Variants in CFHR5 observed in about 807,000 individuals in gnomAD.
CFHR5 encodes the protein complement factor H related 5.
A neutral mutation model predicts 62.9 loss-of-function variants in CFHR5; 73 were observed. The ratio of observed to expected loss-of-function variants is 1.16; its 90% confidence interval spans 0.96 to 1.41. The LOEUF (loss-of-function observed/expected upper bound fraction) is 1.41, where lower values mean the gene tolerates loss of function less well. Among genes scored for constraint, CFHR5 ranks in the 40% most tolerant of loss-of-function variants. The probability of loss-of-function intolerance (pLI) is 0.00; values close to 1 mark genes in which losing one functional copy is unlikely to be tolerated. For missense variants in CFHR5, 779 were observed against 679.9 expected (o/e 1.15, Z -1.62); for synonymous variants, 249 against 227.2 (o/e 1.10, Z -0.86).
At chr1:197,003,187 A>G (rs2125039081) in intron 8 of CFHR5, among the ~76,000 whole-genome samples, 1 of 152,312 alleles carries the variant, frequency 6.6e-6, no homozygotes, top group African/African-American at 2.4e-5. Context: ...TTGCATGTGC[A>G]GTTCACAATA....
chr1:196,995,683 C>A (rs141066019), intron 4 of CFHR5, 34 bp from the exon 5 acceptor site: 4 of 1,566,020 alleles, frequency 2.6e-6, no homozygotes, highest in East Asian at 4.5e-5. Context: ...CTTATAAGAC[C>A]ATTTAAGCAT....
Position 196,982,976 on chromosome 1 carries a change from T to G in CFHR5, c.150T>G (p.Val50=). 5.6e-6 allele frequency: 9 copies of G among 1,614,110 alleles called. No homozygotes were observed. The highest frequency in any genetic ancestry group is 6.8e-6 in the Non-Finnish European group (8 of 1,180,016). The part of the protein sequence containing the change: ...NPFSQVPTGE[V]FYYSCEYNFV... ...TTTCCCAAGTTCCTACAGGGGAAGT[T>G]TTCTATTACTCCTGTGAATATAATT... The change falls in exon 2 of 10, where the codon GTT becomes GTG. Residue 50 remains valine (V), a synonymous_variant. Transcript: ENST00000256785.
chr1:196,999,738 T>TAC (rs1654091443), intron 7 of CFHR5, among the ~76,000 whole-genome samples: 1 of 78,416 alleles, frequency 1.3e-5, no homozygotes, highest in African/African-American at 3.9e-5. Flanking sequence ...CACACACATA[T>TAC]ATATACACAC....
At chr1:196,996,315 C>A in intron 6 of CFHR5, 114 bp downstream of exon 6, 1 of 814,610 alleles carries the variant, frequency 1.2e-6, no homozygotes, top group Non-Finnish European at 2.1e-6. Context: ...CTCTTCCTTC[C>A]ACAAGTAAAA....
chr1:197,002,793 G>T (rs769409502), intron 8 of CFHR5, 129 bp downstream of exon 8: 5 of 736,438 alleles, frequency 6.8e-6, no homozygotes, highest in Non-Finnish European at 9.1e-6. Context: ...AAATTGCTAA[G>T]TAACCAATTC....
intron 3 of CFHR5, among the ~76,000 whole-genome samples, chr1:196,988,506 T>G (rs1653756876): frequency 1.3e-5 from 2 of 152,264 alleles, no homozygotes; most frequent in South Asian, 4.1e-4. Context: ...GGCTGTGGGT[T>G]TGTCATGAGT....
chr1:196,982,808 G>A, intron 1 of CFHR5, 77 bp from the exon 2 acceptor site: 1 of 1,364,032 alleles, frequency 7.3e-7, no homozygotes, highest in South Asian at 1.2e-5. Flanking sequence ...CTATAAATGA[G>A]ATGACTAAAA....
At position 197,008,867 on chromosome 1, in the gene CFHR5, A is replaced by G; in HGVS notation, c.*184A>G. On this transcript the variant is annotated 3_prime_UTR_variant, in exon 10 of 10. Transcript: ENST00000256785. ...AAGCTGAGAGAACAATGTTTCACTT[A>G]ATAGGAGGGTGTCTTAGTCCATATT... The G allele has an allele frequency of 1.7e-6, 1 of 602,802 alleles. No individual in the cohort carries two copies. Among genetic ancestry groups the G allele is most frequent in the Non-Finnish European group, 3.0e-6 (1 of 337,478 alleles). The allele number at this position is 602,802 out of a possible 1,614,324, so 37.3% of individuals were successfully genotyped here.
At chr1:196,989,971 G>T (rs997475717) in intron 3 of CFHR5, among the ~76,000 whole-genome samples, 1 of 152,108 alleles carries the variant, frequency 6.6e-6, no homozygotes, top group Middle Eastern at 3.2e-3. Context: ...ACAGTGGGGT[G>T]TTAAAGTCTC....
At chr1:197,008,044 T>C (rs1335337087) in intron 9 of CFHR5, among the ~76,000 whole-genome samples, 2 of 148,598 alleles carry the variant, frequency 1.3e-5, no homozygotes, top group Non-Finnish European at 3.0e-5. Context: ...AAAGAGTGAG[T>C]GATATCTGGG....
upstream of CFHR5, among the ~76,000 whole-genome samples, chr1:196,975,226 A>T (rs1324755524): frequency 1.3e-5 from 2 of 152,208 alleles, no homozygotes; most frequent in Non-Finnish European, 2.9e-5. Flanking sequence ...GAGGGGTTTA[A>T]GCGTAGTGTT....
chr1:196,977,550 C>A (rs761699716), upstream of CFHR5: 1 of 873,782 alleles, frequency 1.1e-6, no homozygotes, highest in Non-Finnish European at 2.0e-6. Flanking sequence ...AAACTAGCTT[C>A]CCCTTAGTAC....
chr1:196,977,818 T>C (rs964061026), intron 1 of CFHR5, 96 bp downstream of exon 1: 13 of 930,602 alleles, frequency 1.4e-5, no homozygotes, highest in Non-Finnish European at 2.1e-5. Context: ...AATGAATAAA[T>C]AGCTGAGGAT....
chr1:196,977,198 G>C (rs2125023683), upstream of CFHR5, among the ~76,000 whole-genome samples: 1 of 151,802 alleles, frequency 6.6e-6, no homozygotes, highest in East Asian at 1.9e-4. Flanking sequence ...GTTTTAAAAG[G>C]GAATTTACAA....
intron 8 of CFHR5, among the ~76,000 whole-genome samples, chr1:197,003,992 CAATG>C (rs1045058494): frequency 4.6e-5 from 7 of 151,902 alleles, no homozygotes; most frequent in Admixed American, 3.3e-4. Flanking sequence ...GACAGTAACT[CAATG>C]AAACTAGAGG....
At chr1:196,979,910 T>A (rs866468549) in intron 1 of CFHR5, among the ~76,000 whole-genome samples, 15 of 152,272 alleles carry the variant, frequency 9.9e-5, no homozygotes, top group African/African-American at 3.1e-4. Context: ...CTGAAAATCT[T>A]TTAACTTGTA....
intron 1 of CFHR5, among the ~76,000 whole-genome samples, chr1:196,980,738 G>A (rs915654005): frequency 4.6e-5 from 7 of 152,104 alleles, no homozygotes; most frequent in East Asian, 1.9e-4. Context: ...GCCAAAGGAC[G>A]ATAACACTCC....
intron 3 of CFHR5, among the ~76,000 whole-genome samples, chr1:196,985,354 A>C (rs1021554819): frequency 6.6e-6 from 1 of 152,296 alleles, no homozygotes; most frequent in African/African-American, 2.4e-5. Context: ...AGAAAAACAA[A>C]ACAAAGTAAA....
chr1:197,004,627 C>G (rs1332075070), intron 8 of CFHR5, 34 bp from the exon 9 acceptor site: 1 of 1,532,404 alleles, frequency 6.5e-7, no homozygotes, highest in Admixed American at 1.7e-5. Flanking sequence ...TTTAAACTAA[C>G]ATAATGTCTC....
Sources: gnomAD v4.1 joint callset for allele counts (sites outside exome capture counted in the v4.1 genomes callset) on GRCh38, gnomAD v4.1.1 for gene constraint, MANE v1.5 for transcripts, NCBI Gene and HGNC (gene_info 2026-07-23, HGNC 2026-07-21) for gene names.